DSCAM: variants seen among roughly 807,000 people sequenced by gnomAD.
DSCAM encodes cell adhesion molecule DSCAM.
Under a neutral mutation model 217.7 loss-of-function variants are expected in DSCAM, and 47 were observed. The observed-to-expected ratio is 0.22, with a 90% confidence interval of 0.17 to 0.28. DSCAM has a LOEUF of 0.28. Among genes scored for constraint, DSCAM ranks in the 10% least tolerant of loss-of-function variants. DSCAM has a pLI of 1.00. For synonymous variants in DSCAM, 1,056 were observed against 1,015.3 expected (o/e 1.04, Z -0.76); for missense variants, 2,080 against 2,618.3 (o/e 0.79, Z 4.49).
intron 32 of DSCAM, among the ~76,000 whole-genome samples, chr21:40,023,211 T>G (rs575628181): frequency 6.6e-5 from 10 of 152,344 alleles, no homozygotes; most frequent in African/African-American, 1.9e-4. Flanking sequence ...CTCATCATTT[T>G]TTATGGCTGC....
At chr21:40,795,979 A>G (rs1018038336) in intron 1 of DSCAM, among the ~76,000 whole-genome samples, 1 of 152,186 alleles carries the variant, frequency 6.6e-6, no homozygotes, top group Non-Finnish European at 1.5e-5. Context: ...AGCAATTATA[A>G]TTACAGGCAT....
intron 3 of DSCAM, among the ~76,000 whole-genome samples, chr21:40,370,818 C>T (rs933322868): frequency 2.0e-5 from 3 of 151,930 alleles, no homozygotes; most frequent in African/African-American, 7.3e-5. Flanking sequence ...GACGAGATCT[C>T]ACCATGTTGC....
chr21:40,399,286 CAAAACA>C (rs1276384255), intron 3 of DSCAM, among the ~76,000 whole-genome samples: 2 of 150,108 alleles, frequency 1.3e-5, no homozygotes, highest in Non-Finnish European at 2.9e-5. Flanking sequence ...CAAAACAAAA[CAAAACA>C]AAACAAAACA....
intron 11 of DSCAM, among the ~76,000 whole-genome samples, chr21:40,267,367 T>C (rs1377673352): frequency 1.3e-5 from 2 of 152,122 alleles, no homozygotes; most frequent in South Asian, 2.1e-4. Flanking sequence ...AAGTATTACA[T>C]AGTGTACATA....
At chr21:40,179,401 G>A (rs1209626695) in intron 14 of DSCAM, among the ~76,000 whole-genome samples, 1 of 152,102 alleles carries the variant, frequency 6.6e-6, no homozygotes, top group African/African-American at 2.4e-5. Flanking sequence ...GACTGGGGGA[G>A]ATCTCAGAAG....
chr21:40,578,919 G>A (rs2076879800), intron 3 of DSCAM, among the ~76,000 whole-genome samples: 1 of 152,202 alleles, frequency 6.6e-6, no homozygotes, highest in Non-Finnish European at 1.5e-5. Flanking sequence ...ACATGGAAGA[G>A]TTCCAGAAAC....
chr21:40,177,662 T>A (rs2090748210), intron 15 of DSCAM, among the ~76,000 whole-genome samples: 1 of 152,242 alleles, frequency 6.6e-6, no homozygotes, highest in Admixed American at 6.5e-5. Flanking sequence ...ATGTTCATTG[T>A]AGTGGTGTTT....
intron 3 of DSCAM, among the ~76,000 whole-genome samples, chr21:40,559,169 T>TCAAAGA (rs2076695772): frequency 7.7e-6 from 1 of 130,708 alleles, no homozygotes; most frequent in Admixed American, 8.4e-5. Context: ...AATTCTCCAG[T>TCAAAGA]TAAAGTAGGC....
intron 1 of DSCAM, among the ~76,000 whole-genome samples, chr21:40,788,265 A>T (rs980932453): frequency 6.6e-6 from 1 of 152,252 alleles, no homozygotes; most frequent in African/African-American, 2.4e-5. Flanking sequence ...TCATCAGCAC[A>T]CATTTCTTCT....
Position 40,620,387 on chromosome 21 carries a change from A to AGG in DSCAM, c.508+72422_508+72423insCC, listed in dbSNP as rs1197535125. ...AAGAAAAAGAAAGAAAGAAAGAAAG[A>AGG]GAAAGAAAGAAAGAAAGGAGGGAGG... On this transcript the variant is annotated intron_variant, in intron 3 of 32. Transcript: ENST00000400454. Among the ~76,000 whole-genome samples, 3 of 81,116 alleles carry AGG rather than the reference A, an allele frequency of 3.7e-5. No individual in the cohort carries two copies. The East Asian group carries it at 8.0e-4, about 22-fold the overall frequency. 53.2% of individuals were successfully genotyped at this position (81,116 alleles called of 152,430 possible).
intron 4 of DSCAM, among the ~76,000 whole-genome samples, chr21:40,363,210 C>G (rs73355366): frequency 0.021 from 3,081 of 149,042 alleles, 105 homozygotes; most frequent in African/African-American, 0.072. Flanking sequence ...ACTGAAAATT[C>G]ATACTTTTTT....
chr21:40,172,991 A>G (rs374803376), intron 15 of DSCAM, among the ~76,000 whole-genome samples: 2 of 152,214 alleles, frequency 1.3e-5, no homozygotes, highest in East Asian at 3.9e-4. Context: ...GGAAAGGCTG[A>G]AGTCATGTAA....
At chr21:40,663,242 G>C (rs1054750174) in intron 3 of DSCAM, among the ~76,000 whole-genome samples, 1 of 114,440 alleles carries the variant, frequency 8.7e-6, no homozygotes, top group African/African-American at 3.2e-5. Flanking sequence ...ATATAAGCAT[G>C]TGAGTGTATG....
At chr21:40,799,950 C>A (rs1332050717) in intron 1 of DSCAM, among the ~76,000 whole-genome samples, 1 of 152,130 alleles carries the variant, frequency 6.6e-6, no homozygotes, top group Non-Finnish European at 1.5e-5. Flanking sequence ...AACTTAATCC[C>A]CAATGTGGCA....
At chr21:40,223,318 C>A (rs364721) in intron 11 of DSCAM, among the ~76,000 whole-genome samples, 2 of 152,074 alleles carry the variant, frequency 1.3e-5, no homozygotes, top group African/African-American at 2.4e-5. Flanking sequence ...CCTGAGAGCC[C>A]CCATTCAAGT....
chr21:40,166,300 GA>G (rs915067220), intron 16 of DSCAM, among the ~76,000 whole-genome samples: 3 of 152,018 alleles, frequency 2.0e-5, no homozygotes, highest in Non-Finnish European at 2.9e-5. Context: ...AAAGAGACAA[GA>G]AAAAAAATCA....
intron 3 of DSCAM, among the ~76,000 whole-genome samples, chr21:40,554,011 T>G (rs2076650793): frequency 6.6e-6 from 1 of 152,122 alleles, no homozygotes. Context: ...GTAGAGGTAT[T>G]GTTTAAGACA....
At chr21:40,142,988 T>C (rs1025996808) in intron 17 of DSCAM, among the ~76,000 whole-genome samples, 1 of 152,194 alleles carries the variant, frequency 6.6e-6, no homozygotes, top group African/African-American at 2.4e-5. Flanking sequence ...ACTTGAGTCG[T>C]GTACCCTTCT....
intron 11 of DSCAM, among the ~76,000 whole-genome samples, chr21:40,255,541 T>C (rs889458999): frequency 3.9e-5 from 6 of 152,138 alleles, no homozygotes; most frequent in African/African-American, 1.2e-4. Flanking sequence ...TAACTGATCT[T>C]AAAATAGGGA....
Sources: gnomAD v4.1 joint callset for allele counts (sites outside exome capture counted in the v4.1 genomes callset) on GRCh38, gnomAD v4.1.1 for gene constraint, MANE v1.5 for transcripts, NCBI Gene and HGNC (gene_info 2026-07-23, HGNC 2026-07-21) for gene names.